PSD3: variants seen among roughly 807,000 people sequenced by gnomAD.
The protein encoded by PSD3 is PH and SEC7 domain-containing protein 3.
A neutral mutation model predicts 105.5 loss-of-function variants in PSD3; 49 were observed. The observed-to-expected ratio is 0.46, with a 90% CI of 0.37 to 0.59. The LOEUF (loss-of-function observed/expected upper bound fraction) is 0.59. PSD3 is among the 20% of genes least tolerant of loss of function. The pLI, the probability that PSD3 is intolerant of heterozygous loss-of-function variation, is 0.00. For synonymous variants in PSD3, 557 were observed against 457.8 expected (o/e 1.22, Z -2.77); for missense variants, 1,561 against 1,263.8 (o/e 1.24, Z -3.57).
intron 9 of PSD3, among the ~76,000 whole-genome samples, chr8:18,677,750 G>A (rs113151717): frequency 1.3e-5 from 2 of 152,122 alleles, no homozygotes; most frequent in East Asian, 1.9e-4. Context: ...GGTGGCTTAC[G>A]CCTGTAATCT....
chr8:18,970,344 A>AAAG (rs1554556351), intron 1 of PSD3, among the ~76,000 whole-genome samples: 1,483 of 148,104 alleles, frequency 0.01, 53 homozygotes, highest in African/African-American at 0.036. Flanking sequence ...AAAAAAAAAA[A>AAAG]AAAACAAAGA....
At chr8:18,780,564 T>A (rs1360739360) in intron 8 of PSD3, among the ~76,000 whole-genome samples, 1 of 152,074 alleles carries the variant, frequency 6.6e-6, no homozygotes, top group Non-Finnish European at 1.5e-5. Context: ...TTATTTATTT[T>A]TTTGTGAGAC....
intron 2 of PSD3, among the ~76,000 whole-genome samples, chr8:18,927,961 A>G (rs564132937): frequency 3.1e-4 from 47 of 152,366 alleles, no homozygotes; most frequent in African/African-American, 1.1e-3. Flanking sequence ...GGTTTAATGT[A>G]GAATTGCCAT....
intron 9 of PSD3, among the ~76,000 whole-genome samples, chr8:18,740,198 C>G (rs1191228084): frequency 6.6e-6 from 1 of 152,126 alleles, no homozygotes; most frequent in Non-Finnish European, 1.5e-5. Flanking sequence ...TCCGACTGGC[C>G]CGCAAAACTG....
intron 9 of PSD3, among the ~76,000 whole-genome samples, chr8:18,740,219 C>T (rs760299876): frequency 2.6e-5 from 4 of 152,154 alleles, no homozygotes; most frequent in Admixed American, 2.6e-4. Context: ...GACGCTGACA[C>T]GGGTTCCACA....
chr8:18,675,628 C>T (rs1001894424), intron 9 of PSD3, among the ~76,000 whole-genome samples: 2 of 152,016 alleles, frequency 1.3e-5, no homozygotes, highest in Non-Finnish European at 2.9e-5. Context: ...AAAACAAATT[C>T]CACCGATATC....
chr8:18,676,583 T>A (rs755874451), intron 9 of PSD3, among the ~76,000 whole-genome samples: 1 of 152,084 alleles, frequency 6.6e-6, no homozygotes, highest in Admixed American at 6.5e-5. Context: ...CTATCCTGAG[T>A]AGGAAATGCC....
intron 2 of PSD3, among the ~76,000 whole-genome samples, chr8:18,925,469 G>C (rs1821302390): frequency 6.6e-6 from 1 of 151,682 alleles, no homozygotes; most frequent in African/African-American, 2.4e-5. Context: ...GTTAAAAAAT[G>C]GGCAAAGAAT....
intron 12 of PSD3, among the ~76,000 whole-genome samples, chr8:18,576,770 G>C (rs1245375314): frequency 2.0e-5 from 3 of 152,094 alleles, no homozygotes; most frequent in African/African-American, 7.2e-5. Context: ...GAGGAGAAAT[G>C]ATGAGGGCCA....
intron 1 of PSD3, among the ~76,000 whole-genome samples, chr8:18,955,620 G>C (rs1022429527): frequency 6.6e-6 from 1 of 152,052 alleles, no homozygotes; most frequent in African/African-American, 2.4e-5. Context: ...ACAACATTGA[G>C]ATCAAAGGAA....
intron 1 of PSD3, among the ~76,000 whole-genome samples, chr8:19,004,402 G>A (rs1242217162): frequency 1.3e-5 from 2 of 152,018 alleles, no homozygotes; most frequent in Admixed American, 6.5e-5. Flanking sequence ...TGGAAAATAC[G>A]TGAGGGCCTA....
Position 18,895,596 on chromosome 8 carries a change from T to C in PSD3, c.131-22863A>G, listed in dbSNP as rs548687865. On this transcript the variant is annotated intron_variant, in intron 2 of 15. Coordinates refer to ENST00000327040, the MANE Select transcript of PSD3 (RefSeq NM_015310.4). Reference sequence around the variant, plus strand: ...CAAGTTTGCTAGATTAATTTTCCTATAGCACTTTTCCTTTTTTAATTTCTG... The same window carrying C: ...CAAGTTTGCTAGATTAATTTTCCTACAGCACTTTTCCTTTTTTAATTTCTG... Among the ~76,000 whole-genome samples the C allele has an allele frequency of 1.1e-4, 16 of 152,350 alleles. No individual in the cohort carries two copies. The South Asian group carries it at 3.1e-3, about 30-fold the overall frequency.
chr8:18,708,444 G>C (rs1802032075), intron 9 of PSD3, among the ~76,000 whole-genome samples: 1 of 151,690 alleles, frequency 6.6e-6, no homozygotes, highest in South Asian at 2.1e-4. Flanking sequence ...AAAAAAATTA[G>C]AAAATTTTTT....
At chr8:18,850,950 C>A (rs895947551) in intron 4 of PSD3, among the ~76,000 whole-genome samples, 1 of 152,092 alleles carries the variant, frequency 6.6e-6, no homozygotes, top group Non-Finnish European at 1.5e-5. Context: ...CTTATGCATA[C>A]CAGGAGCATT....
chr8:18,539,399 C>A (rs890496092), intron 15 of PSD3, among the ~76,000 whole-genome samples: 4 of 152,156 alleles, frequency 2.6e-5, no homozygotes, highest in Non-Finnish European at 5.9e-5. Context: ...GCAACAGCAT[C>A]ATTTGGAGAC....
At chr8:19,022,366 G>T (rs1827390118) in intron 1 of PSD3, among the ~76,000 whole-genome samples, 1 of 152,168 alleles carries the variant, frequency 6.6e-6, no homozygotes, top group South Asian at 2.1e-4. Context: ...TTCCTGCTGA[G>T]CCTTGCCCTC....
At chr8:18,594,905 T>C (rs1314819122) in intron 12 of PSD3, among the ~76,000 whole-genome samples, 1 of 152,110 alleles carries the variant, frequency 6.6e-6, no homozygotes, top group Non-Finnish European at 1.5e-5. Context: ...TTTTTCTGAA[T>C]ATTTCAATCT....
intron 9 of PSD3, among the ~76,000 whole-genome samples, chr8:18,672,615 T>G (rs1221609760): frequency 6.6e-6 from 1 of 152,188 alleles, no homozygotes; most frequent in African/African-American, 2.4e-5. Flanking sequence ...AGAAAATAAA[T>G]TTTTTAAAGA....
Position 19,003,840 on chromosome 8 carries a change from T to C in PSD3, c.21+9723A>G, listed in dbSNP as rs533533696. Among the ~76,000 whole-genome samples, 11 of 152,016 alleles carry C rather than the reference T, an allele frequency of 7.2e-5. No individual in the cohort carries two copies. The South Asian group carries it at 2.1e-3, about 29-fold the overall frequency. Reference sequence around the variant, plus strand: ...CTGGCTTGATCAGCTCCTTGTAATCTCCCTGGCGAGGGATGTTTGTCAACT... The same window carrying C: ...CTGGCTTGATCAGCTCCTTGTAATCCCCCTGGCGAGGGATGTTTGTCAACT... On this transcript the variant is annotated intron_variant, in intron 1 of 15. Coordinates refer to ENST00000327040, the MANE Select transcript of PSD3 (RefSeq NM_015310.4).
Sources: allele counts gnomAD v4.1 joint callset (sites outside exome capture counted in the v4.1 genomes callset), GRCh38; gene constraint gnomAD v4.1.1; transcripts MANE v1.5; gene names NCBI Gene and HGNC (gene_info 2026-07-23, HGNC 2026-07-21).